Variants in ARHGAP23 observed in about 807,000 individuals in gnomAD.
ARHGAP23 encodes Rho GTPase activating protein 23.
A neutral mutation model predicts 136.3 loss-of-function variants in ARHGAP23; 34 were observed. The observed-to-expected ratio is 0.25, with a 90% CI of 0.19 to 0.33. The LOEUF is 0.33. Ranked by LOEUF, ARHGAP23 falls within the 10% of genes least tolerant of loss-of-function variation. ARHGAP23 has a pLI of 1.00. For synonymous variants in ARHGAP23, 832 were observed against 920.5 expected (o/e 0.90, Z 1.74); for missense variants, 1,808 against 2,139.0 (o/e 0.85, Z 3.05).
chr17:38,426,848 A>G (rs914400683), upstream of ARHGAP23, among the ~76,000 whole-genome samples: 1 of 152,122 alleles, frequency 6.6e-6, no homozygotes, highest in Non-Finnish European at 1.5e-5. Flanking sequence ...GGGCACCCCA[A>G]CCCCTCTAAG....
chr17:38,457,706 G>T (rs2039361801), intron 1 of ARHGAP23: 1 of 294,104 alleles, frequency 3.4e-6, no homozygotes. Flanking sequence ...GCATGTGTGT[G>T]TGTGAGATTG....
intron 10 of ARHGAP23, among the ~76,000 whole-genome samples, chr17:38,470,729 G>T (rs918459978): frequency 5.3e-5 from 8 of 151,948 alleles, no homozygotes; most frequent in Admixed American, 2.6e-4. Flanking sequence ...TAGAGACTGG[G>T]TTTCACCATG....
intron 1 of ARHGAP23, among the ~76,000 whole-genome samples, chr17:38,455,873 C>T (rs553429404): frequency 6.6e-6 from 1 of 152,318 alleles, no homozygotes; most frequent in East Asian, 1.9e-4. Context: ...GCTCCCCAGG[C>T]CCCCATGGGG....
intron 1 of ARHGAP23, among the ~76,000 whole-genome samples, chr17:38,434,118 C>T (rs1350351626): frequency 6.6e-6 from 1 of 152,140 alleles, no homozygotes; most frequent in Non-Finnish European, 1.5e-5. Flanking sequence ...AGCCACCGCG[C>T]CTGGCTGGAT....
intron 17 of ARHGAP23, among the ~76,000 whole-genome samples, chr17:38,487,314 T>A (rs1332460297): frequency 6.6e-6 from 1 of 152,250 alleles, no homozygotes; most frequent in Non-Finnish European, 1.5e-5. Context: ...CCTCTATTGA[T>A]GGATATTTAG....
In ARHGAP23 at chr17:38,439,771, T is replaced by G. The variant is rs1441110127; in HGVS notation, c.63+11223T>G. Among the ~76,000 whole-genome samples, 3 of 147,768 alleles carry G rather than the reference T, an allele frequency of 2.0e-5. No individual in the cohort carries two copies. The Admixed American group carries it at 2.1e-4, about 10-fold the overall frequency. ...AATCCAGCTTCCTCTGAATCCTGCT[T>G]AGGAACTTTTTTTTTTTTTTTGAGA... On this transcript the variant is annotated intron_variant, in intron 1 of 23. Coordinates refer to ENST00000622683, the MANE Select transcript of ARHGAP23 (RefSeq NM_001199417.2).
At position 38,469,260 on chromosome 17, in the gene ARHGAP23, T is replaced by C. The variant is rs1459989188; in HGVS notation, c.1765T>C (p.Phe589Leu). ...GGGCACCAGCCCATCTTCCCCGACC[T>C]TCACTTTCACCCTCGGACGCCATTA... ...VLGTSPSSPT[F>L]TFTLGRHYSQ... is the part of the protein sequence containing the mutation. The change falls in exon 8 of 24, where the codon TTC becomes CTC. Residue 589 changes from phenylalanine to leucine, a missense_variant. Transcript: ENST00000622683. 1 of 1,551,414 alleles carries C rather than the reference T, an allele frequency of 6.4e-7. No homozygotes were observed. The highest frequency in any genetic ancestry group is 8.7e-7 in the Non-Finnish European group (1 of 1,146,828).
At chr17:38,428,392 C>A, upstream of ARHGAP23, 1 of 476,084 alleles carries the variant, frequency 2.1e-6, no homozygotes, top group Non-Finnish European at 3.2e-6. Context: ...GGCCCCCCCA[C>A]ACCGCGCTCG....
intron 17 of ARHGAP23, among the ~76,000 whole-genome samples, chr17:38,486,791 G>T (rs1195180733): frequency 6.6e-6 from 1 of 152,206 alleles, no homozygotes; most frequent in Non-Finnish European, 1.5e-5. Context: ...GCCCAAGGTC[G>T]CACAGGTTGT....
chr17:38,502,512 G>A (rs993064755), intron 23 of ARHGAP23, among the ~76,000 whole-genome samples: 17 of 152,190 alleles, frequency 1.1e-4, no homozygotes, highest in Non-Finnish European at 2.2e-4. Flanking sequence ...AAACAGATAG[G>A]TTCCTGCCCT....
intron 17 of ARHGAP23, 72 bp from the exon 18 acceptor site, chr17:38,490,030 C>T: frequency 7.0e-7 from 1 of 1,437,650 alleles, no homozygotes; most frequent in Non-Finnish European, 9.6e-7. Context: ...GCCCTCCCAG[C>T]AGGGCCCTTG....
chr17:38,488,673 C>T (rs1188670156), intron 17 of ARHGAP23, among the ~76,000 whole-genome samples: 6 of 151,990 alleles, frequency 3.9e-5, no homozygotes, highest in African/African-American at 7.3e-5. Flanking sequence ...CTCAGTCTCC[C>T]GAACAGCTGG....
chr17:38,457,101 G>C (rs530248327), intron 1 of ARHGAP23, among the ~76,000 whole-genome samples: 5 of 152,256 alleles, frequency 3.3e-5, no homozygotes, highest in African/African-American at 1.2e-4. Context: ...GTAGAGACAG[G>C]GTTTCACCAT....
At chr17:38,437,693 C>A (rs1256659960) in intron 1 of ARHGAP23, among the ~76,000 whole-genome samples, 1 of 149,228 alleles carries the variant, frequency 6.7e-6, no homozygotes, top group Non-Finnish European at 1.5e-5. Flanking sequence ...CTGCTGTATT[C>A]TCTGACAACA....
At chr17:38,483,305 G>T (rs191414155) in intron 16 of ARHGAP23, among the ~76,000 whole-genome samples, 5 of 152,350 alleles carry the variant, frequency 3.3e-5, no homozygotes, top group Middle Eastern at 6.8e-3. Context: ...AGCAATTTGG[G>T]TGGCTGCAAC....
chr17:38,493,212 G>T (rs201961462), intron 20 of ARHGAP23, among the ~76,000 whole-genome samples: 80 of 141,282 alleles, frequency 5.7e-4, no homozygotes, highest in African/African-American at 1.9e-3. Context: ...TTGTTTTTTT[G>T]TTTTTTTTTT....
At chr17:38,484,272 A>T (rs909332004) in intron 16 of ARHGAP23, among the ~76,000 whole-genome samples, 2 of 151,786 alleles carry the variant, frequency 1.3e-5, no homozygotes, top group African/African-American at 4.8e-5. Context: ...CGCATGTTTG[A>T]GCTGGGGCTG....
In ARHGAP23 at chr17:38,510,564, G is replaced by T; in HGVS notation, c.4068G>T (p.Arg1356=). The T allele has an allele frequency of 8.1e-7, 1 of 1,233,526 alleles. No homozygotes were observed. The highest frequency in any genetic ancestry group is 3.2e-5 in the South Asian group (1 of 31,038). 76.4% of individuals were successfully genotyped at this position (1,233,526 alleles called of 1,614,324 possible). The part of the protein sequence containing the change: ...SASSSSQESL[R]PPAAALASRP... ...CGTCCAGCAGCCAGGAGTCGCTGCG[G>T]CCCCCGGCGGCGGCGCTGGCCTCCC... The change falls in exon 24 of 24, where the codon CGG becomes CGT. Residue 1356 remains arginine, a synonymous_variant. Transcript: ENST00000622683. This position sits in a 1 kb window ranked among gnomAD's most constrained non-coding sequence, Gnocchi z 4.6.
In ARHGAP23 at chr17:38,436,396, C is replaced by A. The variant is rs11461014; in HGVS notation, c.63+7848C>A. The stretch of plus-strand genomic sequence containing the variant: ...TTCCCCTCAGCTACCCCTACCCCCC[C>A]AAAAAAAACGCTGAGGAGAGTGCCC... On this transcript the variant is annotated intron_variant, in intron 1 of 23. Coordinates refer to ENST00000622683, the MANE Select transcript of ARHGAP23 (RefSeq NM_001199417.2). Among the ~76,000 whole-genome samples, 38 of 151,504 alleles carry A rather than the reference C, an allele frequency of 2.5e-4. 1 individual carries two copies. The highest frequency in any genetic ancestry group is 6.3e-4 in the South Asian group (3 of 4,798).
Sources: allele counts gnomAD v4.1 joint callset (sites outside exome capture counted in the v4.1 genomes callset), GRCh38; gene constraint gnomAD v4.1.1; non-coding constraint Gnocchi (gnomAD v3.1); transcripts MANE v1.5; gene names NCBI Gene and HGNC (gene_info 2026-07-23, HGNC 2026-07-21).